Variants in THADA observed in about 807,000 individuals in gnomAD.
THADA encodes tRNA (32-2'-O)-methyltransferase regulator THADA.
In THADA, 213 loss-of-function variants were observed where a neutral mutation model predicts 219.8. The observed-to-expected ratio is 0.97, with a 90% CI of 0.87 to 1.09. The LOEUF (loss-of-function observed/expected upper bound fraction) is 1.09. Ranked by LOEUF, THADA falls within the 50% of genes least tolerant of loss-of-function variation. The pLI, the probability that THADA is intolerant of heterozygous loss-of-function variation, is 0.00. For missense variants in THADA, 2,956 were observed against 2,311.3 expected, an observed-to-expected ratio of 1.28 and a Z score of -5.72; for synonymous variants, 1,018 against 828.9, an observed-to-expected ratio of 1.23 and a Z score of -3.92.
chr2:43,424,512 C>G (rs141965064), intron 28 of THADA, among the ~76,000 whole-genome samples: 1 of 152,340 alleles, frequency 6.6e-6, no homozygotes, highest in East Asian at 1.9e-4. Context: ...CAAGTCAAAA[C>G]AGCCCACTCT....
At chr2:43,337,017 T>C (rs1048523756) in intron 30 of THADA, among the ~76,000 whole-genome samples, 9 of 152,204 alleles carry the variant, frequency 5.9e-5, no homozygotes, top group Non-Finnish European at 1.2e-4. Flanking sequence ...TAGATCTTGA[T>C]TTACTATGAA....
At chr2:43,594,039 G>A (rs957256540) in intron 1 of THADA, among the ~76,000 whole-genome samples, 1 of 152,092 alleles carries the variant, frequency 6.6e-6, no homozygotes, top group Non-Finnish European at 1.5e-5. Context: ...ACTAAGGACT[G>A]GGCTACCTTT....
intron 31 of THADA, among the ~76,000 whole-genome samples, chr2:43,303,727 G>A (rs1252016258): frequency 7.5e-6 from 1 of 132,466 alleles, no homozygotes; most frequent in Non-Finnish European, 1.6e-5. Flanking sequence ...TTAACTTTAG[G>A]TGGGGCCGGG....
chr2:43,295,217 C>T (rs927162783), intron 31 of THADA, among the ~76,000 whole-genome samples: 5 of 152,214 alleles, frequency 3.3e-5, no homozygotes, highest in Admixed American at 6.5e-5. Flanking sequence ...ATCTCAAAAA[C>T]GCATACAAAG....
At chr2:43,319,403 G>A (rs574132061) in intron 31 of THADA, among the ~76,000 whole-genome samples, 1 of 152,302 alleles carries the variant, frequency 6.6e-6, no homozygotes, top group Non-Finnish European at 1.5e-5. Flanking sequence ...CCTATCCAGG[G>A]ATGTGGACTT....
chr2:43,271,822 C>T (rs1302210535), intron 36 of THADA, among the ~76,000 whole-genome samples: 1 of 151,988 alleles, frequency 6.6e-6, no homozygotes, highest in Non-Finnish European at 1.5e-5. Context: ...ACCATGTTGG[C>T]CAGGCTGGTC....
At chr2:43,233,066 T>C (rs1344033058) in intron 36 of THADA, 184 bp from the exon 37 acceptor site, 2 of 631,564 alleles carry the variant, frequency 3.2e-6, no homozygotes, top group Non-Finnish European at 2.8e-6. Flanking sequence ...CTATTTATAC[T>C]GTTAGAATGA....
chr2:43,325,475 A>G (rs1679215227), intron 30 of THADA, among the ~76,000 whole-genome samples: 1 of 152,070 alleles, frequency 6.6e-6, no homozygotes, highest in Non-Finnish European at 1.5e-5. Context: ...GTTTTTCCAA[A>G]TGTATGTTAG....
intron 29 of THADA, among the ~76,000 whole-genome samples, chr2:43,352,895 A>G (rs1010640391): frequency 1.3e-5 from 2 of 152,128 alleles, no homozygotes; most frequent in Admixed American, 1.3e-4. Flanking sequence ...TTCCTATCCT[A>G]TACTCCAACC....
chr2:43,569,679 G>A (rs1574302103), intron 14 of THADA, among the ~76,000 whole-genome samples: 1 of 152,050 alleles, frequency 6.6e-6, no homozygotes, highest in Admixed American at 6.5e-5. Context: ...TAGTTCAAAC[G>A]TATCATTAAT....
chr2:43,492,890 T>C (rs531547430), intron 25 of THADA, among the ~76,000 whole-genome samples: 24 of 152,188 alleles, frequency 1.6e-4, no homozygotes, highest in East Asian at 1.2e-3. Context: ...CTAGCCCATA[T>C]AGTACATATG....
chr2:43,390,982 C>G (rs140349636), intron 29 of THADA, among the ~76,000 whole-genome samples: 13 of 152,312 alleles, frequency 8.5e-5, no homozygotes, highest in African/African-American at 3.1e-4. Context: ...TCAAAAGCTT[C>G]AAACGATCCT....
At chr2:43,384,943 T>A (rs1331237985) in intron 29 of THADA, among the ~76,000 whole-genome samples, 1 of 152,026 alleles carries the variant, frequency 6.6e-6, no homozygotes, top group Non-Finnish European at 1.5e-5. Context: ...GAGTTCTAGA[T>A]AAGCCGGGCT....
rs111997278 is a variant in THADA at position 43,272,530 on chromosome 2, A to G, written c.5296+7235T>C. On this transcript the variant is annotated intron_variant, in intron 36 of 37. Coordinates refer to ENST00000405975, the MANE Select transcript of THADA (RefSeq NM_022065.5). ...AATACCCTTGATCTGACCACTTCTC[A>G]TCTCATACTTAAATAGTAAGAAAAA... is the stretch of plus-strand genomic sequence containing the variant. 5.7e-3 allele frequency among the ~76,000 whole-genome samples: 869 copies of G among 152,256 alleles called. 4 individuals carry two copies. The highest frequency in any genetic ancestry group is 0.019 in the African/African-American group (795 of 41,542).
At chr2:43,480,922 T>C (rs1558829933) in intron 26 of THADA, among the ~76,000 whole-genome samples, 1 of 152,192 alleles carries the variant, frequency 6.6e-6, no homozygotes, top group Non-Finnish European at 1.5e-5. Flanking sequence ...AGTTACTATG[T>C]AGTTCGAAGC....
intron 36 of THADA, among the ~76,000 whole-genome samples, chr2:43,278,571 A>C (rs1672989636): frequency 6.6e-6 from 1 of 152,242 alleles, no homozygotes; most frequent in Admixed American, 6.5e-5. Context: ...GCCTGCTTGC[A>C]TATCACTTGC....
chr2:43,329,868 G>A (rs1469345954), intron 30 of THADA, among the ~76,000 whole-genome samples: 2 of 152,216 alleles, frequency 1.3e-5, no homozygotes, highest in Non-Finnish European at 2.9e-5. Context: ...CATTTTCAAC[G>A]TGGCGATTAT....
chr2:43,427,232 G>A (rs897254226), intron 28 of THADA, among the ~76,000 whole-genome samples: 2 of 152,110 alleles, frequency 1.3e-5, no homozygotes, highest in African/African-American at 2.4e-5. Flanking sequence ...TCTCGAACCC[G>A]TGGACAGAAG....
At chr2:43,581,649 A>G in intron 8 of THADA, 92 bp downstream of exon 8, 1 of 1,128,468 alleles carries the variant, frequency 8.9e-7, no homozygotes, top group Non-Finnish European at 1.3e-6. Flanking sequence ...TCAGTTAAGT[A>G]TCACATTTCA....
Sources: gnomAD v4.1 joint callset for allele counts (sites outside exome capture counted in the v4.1 genomes callset) on GRCh38, gnomAD v4.1.1 for gene constraint, MANE v1.5 for transcripts, NCBI Gene and HGNC (gene_info 2026-07-23, HGNC 2026-07-21) for gene names.